Variants in BABAM2 observed in about 807,000 individuals in gnomAD.
BABAM2 encodes BRISC and BRCA1-A complex member 2.
A neutral mutation model predicts 54.7 loss-of-function variants in BABAM2; 31 were observed. The observed-to-expected ratio is 0.57, with a 90% CI of 0.43 to 0.77. The LOEUF is 0.77. Among genes scored for constraint, BABAM2 ranks in the 30% least tolerant of loss-of-function variants. BABAM2 has a pLI of 0.00. For missense variants in BABAM2, 364 were observed against 455.8 expected, an observed-to-expected ratio of 0.80 and a Z score of 1.83; for synonymous variants, 167 against 162.9, an observed-to-expected ratio of 1.03 and a Z score of -0.19.
At chr2:28,234,882 T>G (rs1050051560) in intron 7 of BABAM2, among the ~76,000 whole-genome samples, 2 of 152,262 alleles carry the variant, frequency 1.3e-5, no homozygotes, top group Admixed American at 6.5e-5. Context: ...ACAGGAATTT[T>G]CCTAGCCATC....
intron 2 of BABAM2, among the ~76,000 whole-genome samples, chr2:27,895,806 T>A (rs1156865284): frequency 3.3e-5 from 5 of 152,216 alleles, no homozygotes; most frequent in Non-Finnish European, 5.9e-5. Context: ...TTTATTAATT[T>A]GAATTCTACT....
chr2:28,105,327 G>A (rs1224646658), intron 6 of BABAM2, among the ~76,000 whole-genome samples: 2 of 152,170 alleles, frequency 1.3e-5, no homozygotes, highest in African/African-American at 4.8e-5. Context: ...GTATGTGAGA[G>A]AGTCCTAGTA....
In BABAM2 at chr2:28,244,863, G is replaced by A. The variant is rs1682774052; in HGVS notation, c.934+1G>A. On this transcript the variant is annotated splice_donor_variant, in intron 10 of 11. Transcript: ENST00000379624. LOFTEE classifies it high-confidence loss of function. ...AAAGATTTTTGTTTTCTTGTACACA[G>A]TGAGTATACTTTTGCTGTCAGCATG... 6.2e-7 allele frequency: 1 copy of A among 1,613,344 alleles called. No homozygotes were observed. Among genetic ancestry groups the A allele is most frequent in the South Asian group, 1.1e-5 (1 of 91,004 alleles).
chr2:28,110,183 T>C (rs561881106), intron 6 of BABAM2, among the ~76,000 whole-genome samples: 2 of 151,258 alleles, frequency 1.3e-5, no homozygotes, highest in South Asian at 4.2e-4. Context: ...TCATCCACGT[T>C]GTAGGATGTC....
intron 7 of BABAM2, among the ~76,000 whole-genome samples, chr2:28,228,364 TA>T (rs2148032820): frequency 6.6e-6 from 1 of 152,336 alleles, no homozygotes; most frequent in African/African-American, 2.4e-5. Flanking sequence ...GGACCATCAT[TA>T]AAACATGTGT....
At chr2:28,008,169 A>G (rs1399149877) in intron 4 of BABAM2, among the ~76,000 whole-genome samples, 1 of 152,152 alleles carries the variant, frequency 6.6e-6, no homozygotes, top group African/African-American at 2.4e-5. Flanking sequence ...ACAATCAGTG[A>G]TTTCTTATGA....
chr2:28,003,557 T>C (rs900235014), intron 4 of BABAM2, among the ~76,000 whole-genome samples: 27 of 152,192 alleles, frequency 1.8e-4, no homozygotes, highest in African/African-American at 6.5e-4. Flanking sequence ...ACCACAGCAC[T>C]CCAGCTTGAG....
intron 7 of BABAM2, among the ~76,000 whole-genome samples, chr2:28,139,341 A>AAAAAAAAAAAAAAAAAAAAAAAAG (rs1670841702): frequency 1.6e-5 from 2 of 123,922 alleles, no homozygotes; most frequent in Non-Finnish European, 3.3e-5. Flanking sequence ...AAAAAAAAAA[A>AAAAAAAAAAAAAAAAAAAAAAAAG]AAAAGAAAAA....
chr2:28,015,453 C>A (rs1674731062), intron 4 of BABAM2, among the ~76,000 whole-genome samples: 1 of 152,032 alleles, frequency 6.6e-6, no homozygotes, highest in South Asian at 2.1e-4. Flanking sequence ...TCTTTAGACA[C>A]TTCTAGTCAA....
At chr2:28,120,655 A>G (rs1057013332) in intron 6 of BABAM2, among the ~76,000 whole-genome samples, 7 of 152,234 alleles carry the variant, frequency 4.6e-5, no homozygotes, top group African/African-American at 1.7e-4. Context: ...ATGTTAGCTG[A>G]TATTACTGGG....
intron 11 of BABAM2, among the ~76,000 whole-genome samples, chr2:28,315,198 T>G (rs1294192692): frequency 3.3e-5 from 5 of 151,954 alleles, no homozygotes; most frequent in Admixed American, 6.5e-5. Flanking sequence ...CAGCTGGAAT[T>G]CAAGTCCTTG....
At chr2:28,090,376 C>G (rs1238480367) in intron 6 of BABAM2, among the ~76,000 whole-genome samples, 1 of 152,152 alleles carries the variant, frequency 6.6e-6, no homozygotes, top group African/African-American at 2.4e-5. Context: ...TCCTGAGTAG[C>G]TGGGAGTACA....
At chr2:28,019,122 T>C (rs1675068598) in intron 4 of BABAM2, among the ~76,000 whole-genome samples, 1 of 152,198 alleles carries the variant, frequency 6.6e-6, no homozygotes, top group South Asian at 2.1e-4. Flanking sequence ...GTTCCTCTGT[T>C]AGCTTTCTGA....
intron 4 of BABAM2, among the ~76,000 whole-genome samples, chr2:28,007,125 G>A (rs138617514): frequency 6.6e-6 from 1 of 151,850 alleles, no homozygotes; most frequent in African/African-American, 2.4e-5. Context: ...TAGCTGTATA[G>A]CAGAGTTGAT....
chr2:28,194,102 C>G lies in BABAM2; in HGVS notation c.681-43100C>G, dbSNP rs1677236516. ...GGAGTGTTCCAGTCAAAGGGAACAG[C>G]ACGTGCAGAATGCATGGAGGAGAGC... On this transcript the variant is annotated intron_variant, in intron 7 of 11. Coordinates refer to ENST00000379624, the MANE Select transcript of BABAM2 (RefSeq NM_199191.3). Among the ~76,000 whole-genome samples, 21 of 152,222 alleles carry G rather than the reference C, an allele frequency of 1.4e-4. No homozygotes were observed. In the South Asian group the frequency reaches 4.4e-3, roughly 32 times the overall value.
chr2:28,003,834 T>G (rs1673752719), intron 4 of BABAM2, among the ~76,000 whole-genome samples: 1 of 151,936 alleles, frequency 6.6e-6, no homozygotes, highest in Non-Finnish European at 1.5e-5. Flanking sequence ...AAACCAGAGG[T>G]GTGGAGGCCA....
intron 7 of BABAM2, among the ~76,000 whole-genome samples, chr2:28,227,680 G>A (rs140144085): frequency 1.3e-5 from 2 of 152,188 alleles, no homozygotes; most frequent in Non-Finnish European, 2.9e-5. Context: ...CCCATGCCAC[G>A]GGGATGGGAG....
At chr2:28,286,406 C>T (rs186878170) in intron 10 of BABAM2, among the ~76,000 whole-genome samples, 42 of 152,224 alleles carry the variant, frequency 2.8e-4, no homozygotes, top group Non-Finnish European at 4.9e-4. Context: ...CATAGAAAGA[C>T]GTTCACAGTC....
intron 11 of BABAM2, chr2:28,308,229 C>A: frequency 3.0e-6 from 1 of 333,060 alleles, no homozygotes; most frequent in Non-Finnish European, 5.8e-6. Context: ...CTTTGAAGGC[C>A]AGGAAGGCAG....
Sources: gnomAD v4.1 joint callset for allele counts (sites outside exome capture counted in the v4.1 genomes callset) on GRCh38, gnomAD v4.1.1 for gene constraint, MANE v1.5 for transcripts, NCBI Gene and HGNC (gene_info 2026-07-23, HGNC 2026-07-21) for gene names.